PHF3: variants seen among roughly 807,000 people sequenced by gnomAD.
PHF3 encodes the protein PHD finger protein 3.
Under a neutral mutation model 178.4 loss-of-function variants are expected in PHF3, and 41 were observed. The ratio of observed to expected loss-of-function variants is 0.23; its 90% CI spans 0.18 to 0.30. PHF3 has a LOEUF of 0.30. Ranked by LOEUF, PHF3 falls within the 10% of genes least tolerant of loss-of-function variation. PHF3 has a pLI of 1.00. For synonymous variants in PHF3, 842 were observed against 800.5 expected, an observed-to-expected ratio of 1.05 and a Z score of -0.88; for missense variants, 2,346 against 2,398.1, an observed-to-expected ratio of 0.98 and a Z score of 0.45.
Position 63,713,838 on chromosome 6 carries a change from T to A in PHF3, c.*130T>A. On this transcript the variant is annotated 3_prime_UTR_variant, in exon 16 of 16. Coordinates refer to ENST00000262043, the MANE Select transcript of PHF3 (RefSeq NM_001370348.2). ...TTACTATTGGTCATTTGCAGAACAGTAAATTCTGTGTGTTGGTACAGAGTG... is the reference window on the plus strand; with the variant it reads ...TTACTATTGGTCATTTGCAGAACAGAAAATTCTGTGTGTTGGTACAGAGTG... The A allele has an allele frequency of 1.4e-6, 1 of 730,402 alleles. No individual in the cohort carries two copies. The highest frequency in any genetic ancestry group is 2.2e-6 in the Non-Finnish European group (1 of 454,082). 45.2% of individuals were successfully genotyped at this position (730,402 alleles called of 1,614,324 possible).
chr6:63,715,062 A>G lies in PHF3; in HGVS notation c.*1354A>G, dbSNP rs541748174. ...CTTACCTGTATTAATGAAGAAAAAT[A>G]TAAATAATTCCACAAAATTGATTGT... On this transcript the variant is annotated 3_prime_UTR_variant, in exon 16 of 16. Transcript: ENST00000262043. The G allele has an allele frequency of 6.6e-6, 1 of 152,278 alleles. No individual in the cohort carries two copies. The highest frequency in any genetic ancestry group is 2.1e-4 in the South Asian group (1 of 4,828). The allele number at this position is 152,278 out of a possible 1,614,324, so 9.4% of individuals were successfully genotyped here. A position where few individuals can be genotyped will look rare whatever the true frequency, so the allele number is the denominator to read the frequency against.
At chr6:63,678,715 G>A (rs1766294033) in intron 2 of PHF3, 1 of 344,382 alleles carries the variant, frequency 2.9e-6, no homozygotes, top group Admixed American at 3.7e-5. Flanking sequence ...AATTTATTTT[G>A]ATCAAAGCAT....
At chr6:63,709,041 T>C in intron 13 of PHF3, 110 bp from the exon 14 acceptor site, 2 of 567,468 alleles carry the variant, frequency 3.5e-6, no homozygotes, top group Non-Finnish European at 5.9e-6. Flanking sequence ...TATTTACTTG[T>C]TTTTATTACT....
Position 63,724,628 on chromosome 6 carries a change from C to A in PHF3, c.*10920C>A, listed in dbSNP as rs796080073. Among the ~76,000 whole-genome samples the A allele has an allele frequency of 6.6e-6, 1 of 151,444 alleles. No homozygotes were observed. Among genetic ancestry groups the A allele is most frequent in the Non-Finnish European group, 1.5e-5 (1 of 67,904 alleles). On this transcript the variant is annotated 3_prime_UTR_variant, in exon 16 of 16. Coordinates refer to ENST00000262043, the MANE Select transcript of PHF3 (RefSeq NM_001370348.2). ...TTAGCAGAAATAGATGAAAAGGGAC[C>A]AGAGTCTTATTTCTTTAAAATATCT...
chr6:63,720,879 T>C lies in PHF3; in HGVS notation c.*7171T>C. 3.9e-6 allele frequency: 6 copies of C among 1,551,188 alleles called. No homozygotes were observed. Among genetic ancestry groups the C allele is most frequent in the Non-Finnish European group, 5.2e-6 (6 of 1,146,608 alleles). ...GTAGGCCTTGATAAGAGTCTGATTTTGAATTACAACTACATGGTGCCATTT... is the reference window on the plus strand; with the variant it reads ...GTAGGCCTTGATAAGAGTCTGATTTCGAATTACAACTACATGGTGCCATTT... On this transcript the variant is annotated 3_prime_UTR_variant, in exon 16 of 16. Coordinates refer to ENST00000262043, the MANE Select transcript of PHF3 (RefSeq NM_001370348.2).
At chr6:63,678,716 A>AT in intron 2 of PHF3, 1 of 353,358 alleles carries the variant, frequency 2.8e-6, no homozygotes, top group Non-Finnish European at 5.5e-6. Flanking sequence ...ATTTATTTTG[A>AT]TCAAAGCATA....
At chr6:63,658,729 T>C (rs1265896605) in intron 2 of PHF3, among the ~76,000 whole-genome samples, 5 of 64,338 alleles carry the variant, frequency 7.8e-5, no homozygotes, top group Admixed American at 5.3e-4. Context: ...TGTGTGTGTG[T>C]GTGTGTGTGT....
rs1280627252 is a variant in PHF3 at position 63,685,916 on chromosome 6, G to GTGTGTA, written c.2189+11_2189+16dup. The GTGTGTA allele has an allele frequency of 6.3e-7, 1 of 1,581,498 alleles. No individual in the cohort carries two copies. Among genetic ancestry groups the GTGTGTA allele is most frequent in the Non-Finnish European group, 8.6e-7 (1 of 1,156,624 alleles). On this transcript the variant is annotated splice_donor_region_variant and intron_variant, in intron 4 of 15. Transcript: ENST00000262043. ...CAAAAAACCACATGGCAACAGGTGT[G>GTGTGTA]TGTGTATGTGTGTATGAGTGATGTG... is the stretch of plus-strand genomic sequence containing the variant.
At chr6:63,694,545 A>G in intron 5 of PHF3, 36 bp from the exon 6 acceptor site, 1 of 1,350,074 alleles carries the variant, frequency 7.4e-7, no homozygotes, top group Non-Finnish European at 9.8e-7. Flanking sequence ...TTGTTTAGTT[A>G]TTTTCATTCT....
rs987915164 is a variant in PHF3, at chr6:63,720,731, A to C, written c.*7023A>C. ...CAAAATTGGTTTTAAAAATCTCTTG[A>C]GTAACGATATTTACCTTTCTACCAT... On this transcript the variant is annotated 3_prime_UTR_variant, in exon 16 of 16. Transcript: ENST00000262043. The C allele has an allele frequency of 3.2e-6, 5 of 1,549,142 alleles. No homozygotes were observed. The highest frequency in any genetic ancestry group is 4.4e-6 in the Non-Finnish European group (5 of 1,145,878).
rs768580072 is a variant in PHF3, at chr6:63,716,293, CT to C, written c.*2586del. Among the ~76,000 whole-genome samples, 36 of 152,224 alleles carry C rather than the reference CT, an allele frequency of 2.4e-4. No individual in the cohort carries two copies. Among genetic ancestry groups the C allele is most frequent in the Non-Finnish European group, 4.1e-4 (28 of 67,990 alleles). On this transcript the variant is annotated 3_prime_UTR_variant, in exon 16 of 16. Transcript: ENST00000262043. Reference sequence around the variant, plus strand: ...AAAGTCCATGTGCTTAGCAATTGTGCTCTGAGAATTGAGAATGAGAAAAAGA... The same window carrying C: ...AAAGTCCATGTGCTTAGCAATTGTGCCTGAGAATTGAGAATGAGAAAAAGA...
intron 2 of PHF3, among the ~76,000 whole-genome samples, chr6:63,665,902 G>A (rs1461924974): frequency 3.9e-5 from 6 of 152,036 alleles, no homozygotes; most frequent in Non-Finnish European, 2.9e-5. Context: ...CAAACAAAAG[G>A]GTGTCAACTC....
chr6:63,694,841 G>C (rs970057836), intron 6 of PHF3, 77 bp downstream of exon 6: 2 of 879,260 alleles, frequency 2.3e-6, no homozygotes, highest in Non-Finnish European at 3.0e-6. Flanking sequence ...AGTATACTTA[G>C]GGAATTTTTA....
At chr6:63,646,262 A>C (rs2149539281) in intron 1 of PHF3, among the ~76,000 whole-genome samples, 1 of 152,198 alleles carries the variant, frequency 6.6e-6, no homozygotes, top group Non-Finnish European at 1.5e-5. Context: ...TTTTTTTCCT[A>C]AAAATAATGA....
At chr6:63,641,731 A>G (rs1252727244) in intron 1 of PHF3, among the ~76,000 whole-genome samples, 2 of 151,666 alleles carry the variant, frequency 1.3e-5, no homozygotes, top group South Asian at 2.1e-4. Flanking sequence ...TCTGCTTCCC[A>G]GGTTCAAGCT....
chr6:63,712,257 A>T lies in PHF3; in HGVS notation c.4669A>T (p.Ser1557Cys), dbSNP rs1256194385. Residue 1557 changes from serine to cysteine, a missense_variant, in exon 16 of 16, where the codon AGT becomes TGT. Coordinates refer to ENST00000262043, the MANE Select transcript of PHF3 (RefSeq NM_001370348.2). ...SSSISAGSLT[S>C]LSLRGKPPDV... ...TTCCATTTCTGCAGGGTCTTTGACG[A>T]GTCTTAGTCTCAGAGGTAAGCCACC... 1.2e-6 allele frequency: 2 copies of T among 1,613,910 alleles called. No individual in the cohort carries two copies. The highest frequency in any genetic ancestry group is 1.7e-5 in the Admixed American group (1 of 59,978).
At chr6:63,690,630 A>C (rs1453702626) in intron 4 of PHF3, among the ~76,000 whole-genome samples, 1 of 152,140 alleles carries the variant, frequency 6.6e-6, no homozygotes, top group Non-Finnish European at 1.5e-5. Flanking sequence ...CTATTATCAA[A>C]ATCAGTAGCA....
rs959167915 is a variant in PHF3, at chr6:63,716,847, A to G, written c.*3139A>G. 2.0e-5 allele frequency among the ~76,000 whole-genome samples: 3 copies of G among 151,764 alleles called. No individual in the cohort carries two copies. The highest frequency in any genetic ancestry group is 7.3e-5 in the African/African-American group (3 of 41,308). On this transcript the variant is annotated 3_prime_UTR_variant, in exon 16 of 16. Coordinates refer to ENST00000262043, the MANE Select transcript of PHF3 (RefSeq NM_001370348.2). The stretch of plus-strand genomic sequence containing the variant: ...ACAAAGGACCCTTGTGATTACATTG[A>G]CCCCACCCAGATAATCCAGGGTAAT...
intron 2 of PHF3, among the ~76,000 whole-genome samples, chr6:63,655,920 G>A (rs1215731791): frequency 6.6e-6 from 1 of 152,146 alleles, no homozygotes; most frequent in Non-Finnish European, 1.5e-5. Context: ...TGGGATTACA[G>A]GCATGAACCA....
Sources: gnomAD v4.1 joint callset for allele counts (sites outside exome capture counted in the v4.1 genomes callset) on GRCh38, gnomAD v4.1.1 for gene constraint, MANE v1.5 for transcripts, NCBI Gene and HGNC (gene_info 2026-07-23, HGNC 2026-07-21) for gene names.